TRIM2: variants seen among roughly 807,000 people sequenced by gnomAD.
TRIM2 encodes the protein tripartite motif-containing protein 2.
Under a neutral mutation model 75.2 loss-of-function variants are expected in TRIM2, and 20 were observed. The ratio of observed to expected loss-of-function variants is 0.27; its 90% CI spans 0.19 to 0.39. The LOEUF is 0.39. Among genes scored for constraint, TRIM2 ranks in the 10% least tolerant of loss-of-function variants. The pLI is 1.00. For missense variants in TRIM2, 660 were observed against 990.8 expected (o/e 0.67, Z 4.48); for synonymous variants, 373 against 388.3 (o/e 0.96, Z 0.46).
chr4:153,322,956 C>G, intron 9 of TRIM2, 140 bp downstream of exon 9: 1 of 1,211,866 alleles, frequency 8.3e-7, no homozygotes, highest in South Asian at 1.6e-5. Context: ...AAAATCTAAG[C>G]AAAAGCATGT....
At position 153,338,928 on chromosome 4, in the gene TRIM2, C is replaced by G. The variant is rs990172403; in HGVS notation, c.*3962C>G. ...TATCGTTCTCAATTCTATAGACTTT[C>G]AAGCCTATGTATGAATATGAAGGGG... On this transcript the variant is annotated 3_prime_UTR_variant, in exon 12 of 12. Coordinates refer to ENST00000338700, the MANE Select transcript of TRIM2 (RefSeq NM_015271.5). 6.1e-6 allele frequency: 6 copies of G among 982,114 alleles called. No individual in the cohort carries two copies. In the South Asian group the frequency reaches 2.8e-4, roughly 46 times the overall value. 60.8% of individuals were successfully genotyped at this position (982,114 alleles called of 1,614,324 possible).
chr4:153,170,432 C>T (rs948362054), intron 1 of TRIM2, among the ~76,000 whole-genome samples: 4 of 152,128 alleles, frequency 2.6e-5, no homozygotes, highest in Admixed American at 2.0e-4. Context: ...TGGTGCAGGG[C>T]ATTGTGGCTA....
intron 1 of TRIM2, among the ~76,000 whole-genome samples, chr4:153,235,827 C>T (rs1202578509): frequency 1.3e-5 from 2 of 152,160 alleles, no homozygotes; most frequent in Non-Finnish European, 2.9e-5. Flanking sequence ...CCTACTCCTC[C>T]CTCAAGGCTC....
At chr4:153,176,792 G>A (rs1050845865) in intron 1 of TRIM2, among the ~76,000 whole-genome samples, 4 of 152,046 alleles carry the variant, frequency 2.6e-5, no homozygotes, top group Admixed American at 1.3e-4. Flanking sequence ...TGAATTTTTA[G>A]TAGAGACAGG....
intron 1 of TRIM2, among the ~76,000 whole-genome samples, chr4:153,170,844 G>A (rs1730779501): frequency 6.6e-6 from 1 of 152,118 alleles, no homozygotes; most frequent in Non-Finnish European, 1.5e-5. Context: ...TCACACAAAG[G>A]GCTACTGGTG....
intron 9 of TRIM2, among the ~76,000 whole-genome samples, chr4:153,323,323 CAAG>C (rs1429198470): frequency 6.6e-6 from 1 of 152,074 alleles, no homozygotes; most frequent in African/African-American, 2.4e-5. Context: ...TTTGCATTTG[CAAG>C]AAGAGGCTGA....
At chr4:153,255,018 G>A (rs936009974) in intron 1 of TRIM2, among the ~76,000 whole-genome samples, 1 of 152,030 alleles carries the variant, frequency 6.6e-6, no homozygotes. Flanking sequence ...GAAATGCTCC[G>A]CACACCCCGC....
At chr4:153,177,466 T>G (rs770129528) in intron 1 of TRIM2, among the ~76,000 whole-genome samples, 1 of 151,930 alleles carries the variant, frequency 6.6e-6, no homozygotes, top group Non-Finnish European at 1.5e-5. Flanking sequence ...GCCAACATGG[T>G]GAAACCCCGT....
intron 1 of TRIM2, among the ~76,000 whole-genome samples, chr4:153,165,378 T>C (rs1037011092): frequency 1.1e-4 from 16 of 152,336 alleles, no homozygotes; most frequent in African/African-American, 3.6e-4. Context: ...TTGCCCAGGC[T>C]GGAGTGTAGT....
Position 153,337,911 on chromosome 4 carries a change from C to A in TRIM2, c.*2945C>A, listed in dbSNP as rs536792745. The A allele has an allele frequency of 3.0e-6, 3 of 985,652 alleles. No homozygotes were observed. The highest frequency in any genetic ancestry group is 1.7e-5 in the African/African-American group (1 of 57,226). The allele number at this position is 985,652 out of a possible 1,614,324, so 61.1% of individuals were successfully genotyped here. On this transcript the variant is annotated 3_prime_UTR_variant, in exon 12 of 12. Transcript: ENST00000338700. ...CTCCCAGTACAGACCCCCCAGCCCCCCTTGCTGGACATGGGGAGGCAGAGA... is the reference window on the plus strand; with the variant it reads ...CTCCCAGTACAGACCCCCCAGCCCCACTTGCTGGACATGGGGAGGCAGAGA...
intron 3 of TRIM2, among the ~76,000 whole-genome samples, chr4:153,276,952 A>AT (rs1021721299): frequency 6.6e-6 from 1 of 152,298 alleles, no homozygotes; most frequent in African/African-American, 2.4e-5. Context: ...CAGCTTTAAC[A>AT]TTTTTTCATT....
At chr4:153,329,685 A>T (rs1031985372) in intron 11 of TRIM2, among the ~76,000 whole-genome samples, 6 of 151,856 alleles carry the variant, frequency 4.0e-5, no homozygotes, top group Non-Finnish European at 7.4e-5. Context: ...AAAATACAAA[A>T]AATTTGCCAG....
chr4:153,191,633 G>A (rs769310002), intron 1 of TRIM2, among the ~76,000 whole-genome samples: 1 of 152,196 alleles, frequency 6.6e-6, no homozygotes, highest in Non-Finnish European at 1.5e-5. Flanking sequence ...GGCATTCTAA[G>A]CTATTGTTTG....
chr4:153,284,191 T>C (rs1760062851), intron 3 of TRIM2, among the ~76,000 whole-genome samples: 1 of 144,476 alleles, frequency 6.9e-6, no homozygotes, highest in South Asian at 2.2e-4. Flanking sequence ...GTTTTTTTTG[T>C]TTTGTTTTTT....
chr4:153,283,861 C>CTTTCTTTTT (rs1759943929), intron 3 of TRIM2, among the ~76,000 whole-genome samples: 2 of 53,256 alleles, frequency 3.8e-5, no homozygotes, highest in African/African-American at 1.7e-4. Context: ...TGGCCTTGAT[C>CTTTCTTTTT]TTTTTTTTTT....
At chr4:153,173,018 C>T (rs1393740559) in intron 1 of TRIM2, among the ~76,000 whole-genome samples, 1 of 152,154 alleles carries the variant, frequency 6.6e-6, no homozygotes, top group Non-Finnish European at 1.5e-5. Context: ...CATGTTATCA[C>T]CCCTGATTTA....
At chr4:153,284,683 C>T (rs2150100830) in intron 3 of TRIM2, among the ~76,000 whole-genome samples, 1 of 152,246 alleles carries the variant, frequency 6.6e-6, no homozygotes, top group Non-Finnish European at 1.5e-5. Context: ...TTGCATTTGC[C>T]AAATGATTAA....
intron 3 of TRIM2, among the ~76,000 whole-genome samples, chr4:153,278,010 G>C (rs1758405630): frequency 6.6e-6 from 1 of 152,208 alleles, no homozygotes; most frequent in East Asian, 1.9e-4. Flanking sequence ...TCAGGTGTAA[G>C]AGTGCCCCTT....
chr4:153,274,906 A>G (rs1463777738), intron 2 of TRIM2, among the ~76,000 whole-genome samples: 1 of 152,202 alleles, frequency 6.6e-6, no homozygotes, highest in Non-Finnish European at 1.5e-5. Flanking sequence ...AGGGCTAGCT[A>G]CCTCTGTGAC....
Sources: allele counts gnomAD v4.1 joint callset (sites outside exome capture counted in the v4.1 genomes callset), GRCh38; gene constraint gnomAD v4.1.1; transcripts MANE v1.5; gene names NCBI Gene and HGNC (gene_info 2026-07-23, HGNC 2026-07-21).